ANKS1A: variants seen among roughly 807,000 people sequenced by gnomAD.
The protein encoded by ANKS1A is ankyrin repeat and SAM domain-containing protein 1A.
ANKS1A carries 55 observed loss-of-function variants against 120.3 expected under a neutral mutation model. The ratio of observed to expected loss-of-function variants is 0.46; its 90% CI spans 0.37 to 0.57. The LOEUF (loss-of-function observed/expected upper bound fraction) is 0.57. ANKS1A is among the 20% of genes least tolerant of loss of function. The pLI is 0.00. For synonymous variants in ANKS1A, 590 were observed against 604.7 expected (o/e 0.98, Z 0.36); for missense variants, 1,123 against 1,480.3 (o/e 0.76, Z 3.96).
At chr6:34,916,402 T>A (rs1159325615) in intron 1 of ANKS1A, among the ~76,000 whole-genome samples, 1 of 152,184 alleles carries the variant, frequency 6.6e-6, no homozygotes, top group Admixed American at 6.5e-5. Context: ...ATATTGCTAA[T>A]TGGAGTTAAA....
At chr6:34,994,525 G>T in intron 10 of ANKS1A, 103 bp downstream of exon 10, 1 of 1,490,876 alleles carries the variant, frequency 6.7e-7, no homozygotes, top group African/African-American at 1.4e-5. Flanking sequence ...TATTCCTTGG[G>T]TTGTGGTGGT....
intron 1 of ANKS1A, among the ~76,000 whole-genome samples, chr6:34,960,677 T>A (rs1770588649): frequency 6.6e-6 from 1 of 152,178 alleles, no homozygotes; most frequent in Non-Finnish European, 1.5e-5. Context: ...CACAGTGCTT[T>A]AGATGCCATC....
chr6:35,027,102 C>T (rs1774665269), intron 11 of ANKS1A, among the ~76,000 whole-genome samples: 1 of 152,146 alleles, frequency 6.6e-6, no homozygotes, highest in Non-Finnish European at 1.5e-5. Context: ...AAACCAGGAT[C>T]ACGAAGCAAA....
chr6:34,894,999 AAAAAG>A (rs1232109294), intron 1 of ANKS1A, among the ~76,000 whole-genome samples: 2 of 152,154 alleles, frequency 1.3e-5, no homozygotes, highest in African/African-American at 2.4e-5. Flanking sequence ...GGAATAAAAG[AAAAAG>A]AAAACTATTC....
At chr6:35,017,094 T>C (rs768965440) in intron 10 of ANKS1A, among the ~76,000 whole-genome samples, 3 of 152,186 alleles carry the variant, frequency 2.0e-5, no homozygotes, top group Non-Finnish European at 4.4e-5. Context: ...TTTTGCTTCA[T>C]GTTCACTCAC....
At chr6:34,920,710 G>A (rs1054810395) in intron 1 of ANKS1A, among the ~76,000 whole-genome samples, 16 of 152,158 alleles carry the variant, frequency 1.1e-4, no homozygotes, top group African/African-American at 3.9e-4. Flanking sequence ...CCTAAGGAGA[G>A]CCTAGTGATA....
At chr6:35,012,191 G>A (rs1464451037) in intron 10 of ANKS1A, among the ~76,000 whole-genome samples, 2 of 152,196 alleles carry the variant, frequency 1.3e-5, no homozygotes, top group Non-Finnish European at 2.9e-5. Flanking sequence ...TTTTTTGAAA[G>A]AGACCTAGAG....
chr6:35,041,643 A>T (rs956413205), intron 11 of ANKS1A, among the ~76,000 whole-genome samples: 1 of 152,152 alleles, frequency 6.6e-6, no homozygotes, highest in African/African-American at 2.4e-5. Flanking sequence ...GGGGTTGTAC[A>T]CTTTAACCTG....
rs1256632235 is a variant in ANKS1A, at chr6:35,082,263, C to T, written c.2710-428C>T. ...ACGGGCGGGTGCTTCACTGGCTTCC[C>T]CGCTGTGAAGATCCCTCCCAGGCCC... On this transcript the variant is annotated intron_variant, in intron 17 of 23. Coordinates refer to ENST00000360359, the MANE Select transcript of ANKS1A (RefSeq NM_015245.3). The surrounding 1 kb of genome is among the most constrained non-coding windows in gnomAD (Gnocchi z 4.1). 1.3e-5 allele frequency among the ~76,000 whole-genome samples: 2 copies of T among 151,964 alleles called. No homozygotes were observed. The highest frequency in any genetic ancestry group is 1.3e-4 in the Admixed American group (2 of 15,262).
chr6:34,978,395 C>T lies in ANKS1A; in HGVS notation c.436-3295C>T, dbSNP rs78895068. On this transcript the variant is annotated intron_variant, in intron 3 of 23. Coordinates refer to ENST00000360359, the MANE Select transcript of ANKS1A (RefSeq NM_015245.3). ...TTGGAAACTCTGGAGGTATTGTGAA[C>T]ACCTGTAGTGAGATTTGGAAGGTGT... Among the ~76,000 whole-genome samples the T allele has an allele frequency of 7.6e-3, 1,159 of 152,308 alleles. 21 individuals are homozygous for T. The highest frequency in any genetic ancestry group is 0.025 in the African/African-American group (1,059 of 41,560).
chr6:35,078,174 A>G (rs1777465222), intron 13 of ANKS1A, among the ~76,000 whole-genome samples: 1 of 152,116 alleles, frequency 6.6e-6, no homozygotes, highest in South Asian at 2.1e-4. Flanking sequence ...CAACCTTAGA[A>G]TTATAAAATC....
At chr6:34,966,804 T>C (rs1031515343) in intron 1 of ANKS1A, among the ~76,000 whole-genome samples, 6 of 152,210 alleles carry the variant, frequency 3.9e-5, no homozygotes, top group Non-Finnish European at 8.8e-5. Flanking sequence ...CTCCTGGTGC[T>C]TTTTTGTCCT....
chr6:35,086,268 A>G lies in ANKS1A; in HGVS notation c.3303+332A>G. On this transcript the variant is annotated intron_variant, in intron 22 of 23. Transcript: ENST00000360359. The surrounding 1 kb of genome is among the most constrained non-coding windows in gnomAD (Gnocchi z 5.1). ...CTGTGTCTGCTTTGCTCTGCACCCC[A>G]GGTGCCGCTGCCCCCCGATAGTCGC... is the stretch of plus-strand genomic sequence containing the variant. The G allele has an allele frequency of 7.4e-7, 1 of 1,342,388 alleles. No homozygotes were observed. 83.2% of individuals were successfully genotyped at this position (1,342,388 alleles called of 1,614,324 possible).
intron 13 of ANKS1A, among the ~76,000 whole-genome samples, chr6:35,067,672 CT>C (rs1776847462): frequency 6.6e-6 from 1 of 152,142 alleles, no homozygotes; most frequent in African/African-American, 2.4e-5. Context: ...GAAAAACTGT[CT>C]GCATTCAGCC....
At chr6:35,077,235 G>A (rs968333811) in intron 13 of ANKS1A, among the ~76,000 whole-genome samples, 1 of 152,152 alleles carries the variant, frequency 6.6e-6, no homozygotes, top group African/African-American at 2.4e-5. Context: ...GCCTAGACAC[G>A]ACACTCACGG....
At position 34,981,773 on chromosome 6, in the gene ANKS1A, G is replaced by A. The variant is rs545384304; in HGVS notation, c.519G>A (p.Thr173=). The A allele has an allele frequency of 6.0e-5, 97 of 1,614,064 alleles. No homozygotes were observed. The East Asian group carries it at 1.4e-3, about 23-fold the overall frequency. Residue 173 remains threonine (T), a synonymous_variant, in exon 4 of 24, where the codon ACG becomes ACA. Transcript: ENST00000360359. ...TGAAGGTGCTCTTAGAGGAGCTGACGGACCCCACCATGCGCAACAACAAAT... is the reference window on the plus strand; with the variant it reads ...TGAAGGTGCTCTTAGAGGAGCTGACAGACCCCACCATGCGCAACAACAAAT... ...EVVKVLLEEL[T]DPTMRNNKFE... is the part of the protein sequence containing the mutation.
In ANKS1A at chr6:34,944,015, T is replaced by G. The variant is rs374938830; in HGVS notation, c.198-23224T>G. On this transcript the variant is annotated intron_variant, in intron 1 of 23. Transcript: ENST00000360359. The stretch of plus-strand genomic sequence containing the variant: ...TAGGCTGGGCGTGGTGGCTCACGCC[T>G]GTAATCCCAGCACTTTGGGAGGCCA... Among the ~76,000 whole-genome samples, 114 of 152,360 alleles carry G rather than the reference T, an allele frequency of 7.5e-4. 1 individual carries two copies. In the South Asian group the frequency reaches 9.7e-3, roughly 13 times the overall value.
intron 1 of ANKS1A, among the ~76,000 whole-genome samples, chr6:34,924,623 G>A (rs1768614695): frequency 6.6e-6 from 1 of 152,134 alleles, no homozygotes; most frequent in Admixed American, 6.5e-5. Context: ...AATGACAAAG[G>A]ACCTCCTTTG....
At chr6:34,955,433 G>A (rs996361956) in intron 1 of ANKS1A, among the ~76,000 whole-genome samples, 1 of 152,088 alleles carries the variant, frequency 6.6e-6, no homozygotes, top group Non-Finnish European at 1.5e-5. Context: ...CACCACGCCT[G>A]GCCATTTTCT....
Sources: gnomAD v4.1 joint callset for allele counts (sites outside exome capture counted in the v4.1 genomes callset) on GRCh38, gnomAD v4.1.1 for gene constraint, Gnocchi (gnomAD v3.1) non-coding constraint, MANE v1.5 for transcripts, NCBI Gene and HGNC (gene_info 2026-07-23, HGNC 2026-07-21) for gene names.